TENM4: variants seen among roughly 807,000 people sequenced by gnomAD.
TENM4 encodes the protein teneurin-4.
TENM4 carries 82 observed loss-of-function variants against 243.3 expected under a neutral mutation model. That is an observed-to-expected ratio of 0.34 (90% CI 0.28 to 0.40). TENM4 has a LOEUF of 0.40. TENM4 is among the 10% of genes least tolerant of loss of function. The pLI is 1.00. For synonymous variants in TENM4, 1,412 were observed against 1,456.3 expected (o/e 0.97, Z 0.69); for missense variants, 3,138 against 3,673.3 (o/e 0.85, Z 3.77).
chr11:79,027,393 A>G (rs1859107680), intron 6 of TENM4, among the ~76,000 whole-genome samples: 1 of 152,220 alleles, frequency 6.6e-6, no homozygotes. Context: ...CCTGGATCAC[A>G]CAACTCTTCT....
chr11:78,937,753 C>T (rs1275459033), intron 6 of TENM4, among the ~76,000 whole-genome samples: 1 of 152,144 alleles, frequency 6.6e-6, no homozygotes, highest in Non-Finnish European at 1.5e-5. Context: ...AGTCATATTC[C>T]CAAACAGGCC....
chr11:79,396,269 AT>A (rs1347092428), intron 1 of TENM4, among the ~76,000 whole-genome samples: 3 of 152,128 alleles, frequency 2.0e-5, no homozygotes, highest in Non-Finnish European at 4.4e-5. Context: ...CATTTTTTAA[AT>A]TTGTGTCTTA....
At chr11:79,275,617 G>C (rs1317274128) in intron 2 of TENM4, among the ~76,000 whole-genome samples, 1 of 152,072 alleles carries the variant, frequency 6.6e-6, no homozygotes, top group Non-Finnish European at 1.5e-5. Flanking sequence ...ATCTCTCCAA[G>C]ATAGAAAAAG....
chr11:79,127,315 C>T (rs1231004791), intron 4 of TENM4, among the ~76,000 whole-genome samples: 1 of 152,138 alleles, frequency 6.6e-6, no homozygotes, highest in Non-Finnish European at 1.5e-5. Context: ...GTGGTGATTC[C>T]CACCACATTC....
At chr11:79,387,451 G>A (rs929855762) in intron 1 of TENM4, among the ~76,000 whole-genome samples, 1 of 152,164 alleles carries the variant, frequency 6.6e-6, no homozygotes, top group African/African-American at 2.4e-5. Context: ...AACTGTGTAT[G>A]ACCTTGGGCA....
intron 9 of TENM4, among the ~76,000 whole-genome samples, chr11:78,871,348 C>A (rs1400212991): frequency 8.6e-6 from 1 of 116,850 alleles, no homozygotes; most frequent in Non-Finnish European, 2.0e-5. Context: ...TGGGAGCTCT[C>A]TTTGTTGGCA....
chr11:79,288,664 G>A (rs1856300503), intron 2 of TENM4, among the ~76,000 whole-genome samples: 4 of 152,168 alleles, frequency 2.6e-5, no homozygotes, highest in Admixed American at 6.5e-5. Flanking sequence ...CTTGCAAGAC[G>A]TTACATCTTC....
chr11:78,898,884 AT>A (rs1227517451), intron 7 of TENM4, among the ~76,000 whole-genome samples: 4 of 152,334 alleles, frequency 2.6e-5, no homozygotes, highest in African/African-American at 9.6e-5. Context: ...CTCAGTGAAT[AT>A]TTATTGAATA....
chr11:79,128,428 T>C (rs548589336), intron 4 of TENM4, among the ~76,000 whole-genome samples: 4 of 152,208 alleles, frequency 2.6e-5, no homozygotes, highest in Admixed American at 1.3e-4. Flanking sequence ...ATATACGTGA[T>C]TGGGCTTGAG....
chr11:79,428,870 C>T (rs953514045), intron 1 of TENM4, among the ~76,000 whole-genome samples: 5 of 152,198 alleles, frequency 3.3e-5, no homozygotes, highest in African/African-American at 1.2e-4. Flanking sequence ...GACTAACATT[C>T]AGTAAGGCTG....
chr11:79,157,636 CT>C (rs1862650733), intron 3 of TENM4, among the ~76,000 whole-genome samples: 2 of 152,158 alleles, frequency 1.3e-5, no homozygotes, highest in Admixed American at 6.5e-5. Context: ...TCTGTTCCTG[CT>C]GTGTGTCTGC....
At chr11:79,152,624 G>C (rs1490370576) in intron 3 of TENM4, among the ~76,000 whole-genome samples, 3 of 152,212 alleles carry the variant, frequency 2.0e-5, no homozygotes. Flanking sequence ...CCTTCCAGTG[G>C]AACGGGAAAA....
At chr11:79,142,502 G>T (rs367799932) in intron 4 of TENM4, among the ~76,000 whole-genome samples, 176 of 152,128 alleles carry the variant, frequency 1.2e-3, no homozygotes, top group African/African-American at 4.0e-3. Context: ...AAAATAGAAA[G>T]ATATTTCTTG....
chr11:78,692,163 T>C (rs1175501843), intron 28 of TENM4, among the ~76,000 whole-genome samples: 1 of 152,216 alleles, frequency 6.6e-6, no homozygotes, highest in Non-Finnish European at 1.5e-5. Context: ...GTTACATTTG[T>C]GACAGTTTTC....
intron 1 of TENM4, among the ~76,000 whole-genome samples, chr11:79,418,983 T>C (rs1858875637): frequency 1.3e-5 from 2 of 152,246 alleles, no homozygotes; most frequent in African/African-American, 4.8e-5. Flanking sequence ...AATAAATGTA[T>C]GGCCTCTCCA....
chr11:78,991,348 A>C (rs1858040810), intron 6 of TENM4, among the ~76,000 whole-genome samples: 2 of 152,148 alleles, frequency 1.3e-5, no homozygotes. Context: ...GATAGGAAGG[A>C]AACATCTGAG....
chr11:79,050,984 C>T (rs961473255), intron 6 of TENM4, among the ~76,000 whole-genome samples: 1 of 152,186 alleles, frequency 6.6e-6, no homozygotes, highest in South Asian at 2.1e-4. Context: ...GCTGTGCATG[C>T]GTGTGGAGTC....
At chr11:79,213,163 G>A (rs1424655884) in intron 3 of TENM4, among the ~76,000 whole-genome samples, 1 of 152,186 alleles carries the variant, frequency 6.6e-6, no homozygotes, top group Admixed American at 6.5e-5. Flanking sequence ...GAGAAAGGCA[G>A]TGGGGACATT....
At chr11:78,783,190 A>G (rs948214488) in intron 16 of TENM4, among the ~76,000 whole-genome samples, 1 of 152,152 alleles carries the variant, frequency 6.6e-6, no homozygotes. Flanking sequence ...TTTAACTACG[A>G]TTTTCAGCTT....
Sources: allele counts gnomAD v4.1 joint callset (sites outside exome capture counted in the v4.1 genomes callset), GRCh38; gene constraint gnomAD v4.1.1; transcripts MANE v1.5; gene names NCBI Gene and HGNC (gene_info 2026-07-23, HGNC 2026-07-21).